The following CDH13 variants were observed in gnomAD, a reference collection of about 807,000 sequenced individuals.
CDH13 encodes the protein cadherin 13.
CDH13 carries 24 observed loss-of-function variants against 63.8 expected under a neutral mutation model. The observed-to-expected ratio is 0.38, with a 90% CI of 0.27 to 0.53. The LOEUF is 0.53. CDH13 is among the 20% of genes least tolerant of loss of function. The probability of loss-of-function intolerance (pLI) is 0.85; values close to 1 mark genes in which losing one functional copy is unlikely to be tolerated. For synonymous variants in CDH13, 503 were observed against 355.3 expected (o/e 1.42, Z -4.67); for missense variants, 1,049 against 903.1 (o/e 1.16, Z -2.07).
intron 4 of CDH13, among the ~76,000 whole-genome samples, chr16:83,182,652 A>G (rs2038382783): frequency 6.6e-6 from 1 of 152,238 alleles, no homozygotes; most frequent in South Asian, 2.1e-4. Flanking sequence ...TGTGATCACT[A>G]ACATTTGTAT....
At chr16:83,151,887 G>C (rs2036995703) in intron 4 of CDH13, among the ~76,000 whole-genome samples, 1 of 152,060 alleles carries the variant, frequency 6.6e-6, no homozygotes, top group South Asian at 2.1e-4. Flanking sequence ...ACTTGAACCT[G>C]GAAGGTGGAG....
At chr16:83,291,972 T>C (rs1167645559) in intron 5 of CDH13, among the ~76,000 whole-genome samples, 1 of 152,200 alleles carries the variant, frequency 6.6e-6, no homozygotes, top group Non-Finnish European at 1.5e-5. Flanking sequence ...CTGCTCCCAA[T>C]GGTCATGAGT....
At chr16:82,986,951 CAT>C (rs1251254172) in intron 2 of CDH13, among the ~76,000 whole-genome samples, 4 of 152,168 alleles carry the variant, frequency 2.6e-5, no homozygotes, top group African/African-American at 9.7e-5. Flanking sequence ...GAACAGAAAA[CAT>C]GTGAGGAAAC....
intron 7 of CDH13, among the ~76,000 whole-genome samples, chr16:83,507,163 C>G (rs2074418327): frequency 6.6e-6 from 1 of 152,212 alleles, no homozygotes; most frequent in African/African-American, 2.4e-5. Context: ...CTTTGCATGA[C>G]TCAATCCCTC....
chr16:83,545,202 TG>T (rs1443218199), intron 7 of CDH13, among the ~76,000 whole-genome samples: 1 of 152,196 alleles, frequency 6.6e-6, no homozygotes, highest in Non-Finnish European at 1.5e-5. Flanking sequence ...GACCCTTGGG[TG>T]GGAAGGTGTG....
chr16:83,745,616 A>G lies in CDH13; in HGVS notation c.1539-2492A>G, dbSNP rs191377311. Among the ~76,000 whole-genome samples the G allele has an allele frequency of 1.1e-4, 17 of 152,166 alleles. 1 individual carries two copies. The East Asian group carries it at 3.3e-3, about 30-fold the overall frequency. The stretch of plus-strand genomic sequence containing the variant: ...TGCCCATTCCCTTTGTCAGCCAGCA[A>G]TTTCTTATTCCCTGGCTCCCCTTCT... On this transcript the variant is annotated intron_variant, in intron 10 of 13. Coordinates refer to ENST00000567109, the MANE Select transcript of CDH13 (RefSeq NM_001257.5).
chr16:83,743,748 C>CTTTTTTCTTTTT (rs1912281994), intron 10 of CDH13, among the ~76,000 whole-genome samples: 48 of 76,236 alleles, frequency 6.3e-4, no homozygotes, highest in African/African-American at 2.6e-3. Flanking sequence ...TTTCTTTTTT[C>CTTTTTTCTTTTT]TTTTTTTTTT....
chr16:82,739,008 G>C (rs1487896532), intron 1 of CDH13, among the ~76,000 whole-genome samples: 1 of 152,338 alleles, frequency 6.6e-6, no homozygotes, highest in Middle Eastern at 3.4e-3. Flanking sequence ...CAAAGAAGCA[G>C]TGAGCAAGAT....
chr16:82,938,273 A>G (rs1202287668), intron 2 of CDH13, among the ~76,000 whole-genome samples: 1 of 152,208 alleles, frequency 6.6e-6, no homozygotes, highest in East Asian at 1.9e-4. Context: ...AAGACATGAA[A>G]AGGAATCGTG....
chr16:82,638,702 T>G (rs1908994222), intron 1 of CDH13, among the ~76,000 whole-genome samples: 1 of 152,044 alleles, frequency 6.6e-6, no homozygotes, highest in Non-Finnish European at 1.5e-5. Flanking sequence ...TATTAGTAGG[T>G]CCCCCAAGAT....
At chr16:83,531,125 C>T (rs1305983710) in intron 7 of CDH13, among the ~76,000 whole-genome samples, 1 of 152,218 alleles carries the variant, frequency 6.6e-6, no homozygotes, top group African/African-American at 2.4e-5. Context: ...ACTGCCACCA[C>T]CATGGTAGCA....
chr16:83,210,600 A>G (rs1349623574), intron 4 of CDH13, among the ~76,000 whole-genome samples: 2 of 152,062 alleles, frequency 1.3e-5, no homozygotes, highest in Non-Finnish European at 1.5e-5. Flanking sequence ...CAAAGTAGCT[A>G]CTTGAGATCT....
At position 83,780,153 on chromosome 16, in the gene CDH13, C is replaced by T; in HGVS notation, c.1867C>T (p.His623Tyr). 1.2e-6 allele frequency: 2 copies of T among 1,611,050 alleles called. No individual in the cohort carries two copies. Among genetic ancestry groups the T allele is most frequent in the Non-Finnish European group, 1.7e-6 (2 of 1,178,446 alleles). Reference sequence around the variant, plus strand: ...TACAGATCCTTTCAAATTTGAAATCCACAAACAAGCTGTTCCTGATAAAGT... The same window carrying T: ...TACAGATCCTTTCAAATTTGAAATCTACAAACAAGCTGTTCCTGATAAAGT... ...PNTDPFKFEI[H>Y]KQAVPDKVWK... The change falls in exon 12 of 14, where the codon CAC becomes TAC. Residue 623 changes from histidine to tyrosine, a missense_variant. His to Tyr is a moderately conservative substitution (Grantham distance 83). Coordinates refer to ENST00000567109, the MANE Select transcript of CDH13 (RefSeq NM_001257.5).
In CDH13 at chr16:83,704,765, A is replaced by G. The variant is rs1353541593; in HGVS notation, c.1538+26304A>G. Among the ~76,000 whole-genome samples, 3 of 152,356 alleles carry G rather than the reference A, an allele frequency of 2.0e-5. No individual in the cohort carries two copies. The East Asian group carries it at 5.8e-4, about 29-fold the overall frequency. On this transcript the variant is annotated intron_variant, in intron 10 of 13. Coordinates refer to ENST00000567109, the MANE Select transcript of CDH13 (RefSeq NM_001257.5). ...TCTATAATGGTACTACAATAGAAAAAAAATTTCCAAAGTTCAATTGGAATT... is the reference window on the plus strand; with the variant it reads ...TCTATAATGGTACTACAATAGAAAAGAAATTTCCAAAGTTCAATTGGAATT...
intron 2 of CDH13, among the ~76,000 whole-genome samples, chr16:82,877,790 C>G (rs951977277): frequency 1.6e-4 from 17 of 106,156 alleles, no homozygotes; most frequent in Non-Finnish European, 2.6e-4. Flanking sequence ...ACAGCCACCT[C>G]TATTCATTTT....
chr16:82,863,215 C>T (rs1257718806), intron 2 of CDH13, among the ~76,000 whole-genome samples: 1 of 152,174 alleles, frequency 6.6e-6, no homozygotes, highest in Admixed American at 6.5e-5. Context: ...CCAAGGCCTA[C>T]ATAGGATGAA....
chr16:83,056,330 C>T (rs1304968993), intron 3 of CDH13, among the ~76,000 whole-genome samples: 1 of 152,052 alleles, frequency 6.6e-6, no homozygotes, highest in East Asian at 1.9e-4. Flanking sequence ...TACACATGTA[C>T]ACTAAAGGCT....
chr16:83,574,531 C>A (rs759353571), intron 7 of CDH13, among the ~76,000 whole-genome samples: 16 of 151,940 alleles, frequency 1.1e-4, no homozygotes, highest in Non-Finnish European at 2.2e-4. Flanking sequence ...TGAGATCAGA[C>A]CCAGGCTCAA....
At chr16:83,184,089 AACACACACACACACACAC>A (rs10656475) in intron 4 of CDH13, among the ~76,000 whole-genome samples, 4 of 131,560 alleles carry the variant, frequency 3.0e-5, no homozygotes, top group African/African-American at 1.1e-4. Context: ...CTAGAGGTTA[AACACACACACACACACAC>A]ACACACACAC....
Sources: allele counts gnomAD v4.1 joint callset (sites outside exome capture counted in the v4.1 genomes callset), GRCh38; gene constraint gnomAD v4.1.1; transcripts MANE v1.5; gene names NCBI Gene and HGNC (gene_info 2026-07-23, HGNC 2026-07-21).